Variants in BANK1 observed in about 807,000 individuals in gnomAD.
BANK1 encodes B cell scaffold protein with ankyrin repeats 1.
Under a neutral mutation model 94.5 loss-of-function variants are expected in BANK1, and 95 were observed. That is an observed-to-expected ratio of 1.00 (90% CI 0.85 to 1.19). BANK1 has a LOEUF of 1.19. BANK1 is among the 50% of genes most tolerant of loss of function. BANK1 has a pLI of 0.00. For synonymous variants in BANK1, 334 were observed against 308.4 expected, an observed-to-expected ratio of 1.08 and a Z score of -0.87; for missense variants, 987 against 932.2, an observed-to-expected ratio of 1.06 and a Z score of -0.77.
At chr4:101,877,851 C>T (rs762200230) in intron 5 of BANK1, among the ~76,000 whole-genome samples, 10 of 152,170 alleles carry the variant, frequency 6.6e-5, no homozygotes, top group Non-Finnish European at 1.5e-4. Context: ...CGCCACTGCA[C>T]TCCAGCCTGG....
chr4:101,897,480 G>A (rs1722126649), intron 6 of BANK1, among the ~76,000 whole-genome samples: 1 of 151,880 alleles, frequency 6.6e-6, no homozygotes, highest in Non-Finnish European at 1.5e-5. Flanking sequence ...TTTTATAGAT[G>A]GAGAACTCTG....
intron 1 of BANK1, among the ~76,000 whole-genome samples, chr4:101,807,175 T>C (rs909327215): frequency 2.6e-5 from 4 of 152,200 alleles, no homozygotes; most frequent in Admixed American, 1.3e-4. Flanking sequence ...TCATAAGACC[T>C]TCCTCAATTT....
At chr4:101,922,356 T>C (rs914858059) in intron 7 of BANK1, among the ~76,000 whole-genome samples, 2 of 151,848 alleles carry the variant, frequency 1.3e-5, no homozygotes, top group Non-Finnish European at 2.9e-5. Flanking sequence ...TATATATCCA[T>C]GTTATATAAT....
chr4:101,984,817 A>C (rs1204701626), intron 7 of BANK1, among the ~76,000 whole-genome samples: 1 of 152,132 alleles, frequency 6.6e-6, no homozygotes, highest in Non-Finnish European at 1.5e-5. Flanking sequence ...GGGCAGGTAG[A>C]ACAAAATCCT....
rs202072903 is a variant in BANK1 at position 101,918,037 on chromosome 4, A to G, written c.1054A>G (p.Lys352Glu). The G allele has an allele frequency of 1.2e-6, 2 of 1,611,622 alleles. No homozygotes were observed. Among genetic ancestry groups the G allele is most frequent in the East Asian group, 4.5e-5 (2 of 44,808 alleles). ...TCCAACTCTTCTCCACTGTGCAGCA[A>G]AATTTGGCTTAAAGAACCTGGCTAT... ...ELPTLLHCAA[K>E]FGLKNLAIHL... Residue 352 changes from lysine to glutamate, a missense_variant, in exon 7 of 17, where the codon AAA becomes GAA. By Grantham distance (56) the Lys-to-Glu change is moderately conservative. Transcript: ENST00000322953.
intron 7 of BANK1, among the ~76,000 whole-genome samples, chr4:101,993,382 T>G (rs1323916432): frequency 6.6e-6 from 1 of 152,168 alleles, no homozygotes; most frequent in Non-Finnish European, 1.5e-5. Context: ...CTAGTGAATC[T>G]CCATGAAACC....
intron 3 of BANK1, among the ~76,000 whole-genome samples, chr4:101,858,192 T>C (rs960391960): frequency 1.3e-5 from 2 of 152,210 alleles, no homozygotes; most frequent in African/African-American, 4.8e-5. Flanking sequence ...GCAGGTGATT[T>C]TGACCCTCTC....
In BANK1 at chr4:101,862,543, C is replaced by T. The variant is rs2148877561; in HGVS notation, c.642C>T (p.Phe214=). Residue 214 remains phenylalanine, a synonymous_variant, in exon 4 of 17, where the codon TTC becomes TTT. Coordinates refer to ENST00000322953, the MANE Select transcript of BANK1 (RefSeq NM_017935.5). ...TCTTACAGAATCCTGGTGAAATATTCATAATTTTGAGAGATGAAGTAATTG... is the reference window on the plus strand; with the variant it reads ...TCTTACAGAATCCTGGTGAAATATTTATAATTTTGAGAGATGAAGTAATTG... ...EIPCENPGEI[F]IILRDEVIGD... is the part of the protein sequence containing the mutation. The T allele has an allele frequency of 6.2e-7, 1 of 1,602,344 alleles. No homozygotes were observed. Among genetic ancestry groups the T allele is most frequent in the Non-Finnish European group, 8.5e-7 (1 of 1,175,500 alleles).
intron 7 of BANK1, among the ~76,000 whole-genome samples, chr4:101,953,541 TA>T (rs200653603): frequency 0.012 from 1,747 of 143,434 alleles, 18 homozygotes; most frequent in East Asian, 0.059. Flanking sequence ...ATCTATTTAG[TA>T]AAAAAAAAAA....
At chr4:101,989,215 C>T (rs901783992) in intron 7 of BANK1, among the ~76,000 whole-genome samples, 8 of 151,782 alleles carry the variant, frequency 5.3e-5, no homozygotes, top group Non-Finnish European at 7.4e-5. Flanking sequence ...GAGGCCGAGG[C>T]GGGCGGATGA....
intron 6 of BANK1, among the ~76,000 whole-genome samples, chr4:101,907,445 A>G (rs1172579687): frequency 3.3e-5 from 5 of 152,230 alleles, no homozygotes; most frequent in East Asian, 3.8e-4. Flanking sequence ...CACAGCCAAT[A>G]TCATACTGAA....
intron 7 of BANK1, among the ~76,000 whole-genome samples, chr4:101,936,285 A>G (rs1008970100): frequency 6.6e-5 from 10 of 150,386 alleles, no homozygotes; most frequent in African/African-American, 2.4e-4. Flanking sequence ...GTATATGTAC[A>G]CATATATGCA....
intron 4 of BANK1, among the ~76,000 whole-genome samples, chr4:101,870,114 AAATT>A (rs1287356355): frequency 2.6e-5 from 4 of 151,988 alleles, no homozygotes; most frequent in Non-Finnish European, 4.4e-5. Flanking sequence ...GTAATTAATT[AAATT>A]GTTTTCATAA....
At chr4:101,864,784 A>C (rs1251959139) in intron 4 of BANK1, among the ~76,000 whole-genome samples, 1 of 152,190 alleles carries the variant, frequency 6.6e-6, no homozygotes, top group Non-Finnish European at 1.5e-5. Context: ...GATTGAACAA[A>C]AGAATATGAA....
intron 7 of BANK1, among the ~76,000 whole-genome samples, chr4:102,012,987 G>C (rs1033609086): frequency 6.6e-6 from 1 of 151,992 alleles, no homozygotes; most frequent in Non-Finnish European, 1.5e-5. Flanking sequence ...CAATTATATT[G>C]AGGTATTCAA....
chr4:102,018,778 A>G (rs1191069673), intron 7 of BANK1, among the ~76,000 whole-genome samples: 1 of 151,790 alleles, frequency 6.6e-6, no homozygotes, highest in Non-Finnish European at 1.5e-5. Flanking sequence ...AAATGAATAA[A>G]ACTTTTGCTC....
intron 2 of BANK1, among the ~76,000 whole-genome samples, chr4:101,836,184 G>A (rs1726819077): frequency 6.6e-6 from 1 of 151,760 alleles, no homozygotes; most frequent in South Asian, 2.1e-4. Flanking sequence ...ATGGAATGTT[G>A]TTAACTTTCT....
intron 6 of BANK1, among the ~76,000 whole-genome samples, chr4:101,905,436 C>G (rs761950869): frequency 1.3e-5 from 2 of 152,186 alleles, no homozygotes; most frequent in Non-Finnish European, 2.9e-5. Context: ...CGGTGTTTCC[C>G]GAAATCGGGT....
intron 7 of BANK1, among the ~76,000 whole-genome samples, chr4:101,926,851 G>T (rs188099640): frequency 3.6e-4 from 55 of 151,828 alleles, no homozygotes; most frequent in African/African-American, 1.3e-3. Flanking sequence ...CACAACAAGG[G>T]CAAAGGCTCT....
Sources: gnomAD v4.1 joint callset for allele counts (sites outside exome capture counted in the v4.1 genomes callset) on GRCh38, gnomAD v4.1.1 for gene constraint, MANE v1.5 for transcripts, NCBI Gene and HGNC (gene_info 2026-07-23, HGNC 2026-07-21) for gene names.